Variants in FCHSD2 observed in about 807,000 individuals in gnomAD.
FCHSD2 encodes FCH and double SH3 domains 2, also known as F-BAR and double SH3 domains protein 2.
FCHSD2 carries 38 observed loss-of-function variants against 108.1 expected under a neutral mutation model. That is an observed-to-expected ratio of 0.35 (90% CI 0.27 to 0.46). The LOEUF (loss-of-function observed/expected upper bound fraction) is 0.46, where lower values mean the gene tolerates loss of function less well. Ranked by LOEUF, FCHSD2 falls within the 20% of genes least tolerant of loss-of-function variation. The pLI is 1.00. For missense variants in FCHSD2, 751 were observed against 897.8 expected, an observed-to-expected ratio of 0.84 and a Z score of 2.09; for synonymous variants, 279 against 314.7, an observed-to-expected ratio of 0.89 and a Z score of 1.20.
In FCHSD2 at chr11:73,096,987, A is replaced by ATTTTTTTTTTTTTTTTTTTTTTTTTT. The variant is rs60223064; in HGVS notation, c.120-13273_120-13248dup. 1.8e-3 allele frequency among the ~76,000 whole-genome samples: 50 copies of ATTTTTTTTTTTTTTTTTTTTTTTTTT among 27,044 alleles called. 21 individuals are homozygous for ATTTTTTTTTTTTTTTTTTTTTTTTTT. Among genetic ancestry groups the ATTTTTTTTTTTTTTTTTTTTTTTTTT allele is most frequent in the East Asian group, 3.5e-3 (2 of 566 alleles). 17.7% of individuals were successfully genotyped at this position (27,044 alleles called of 152,430 possible). ...CTAATGTGATGTATTTCATTGATGG[A>ATTTTTTTTTTTTTTTTTTTTTTTTTT]TTTTTTTTTTTTTTTTTTTTTTTTT... On this transcript the variant is annotated intron_variant, in intron 2 of 19. Transcript: ENST00000409418.
rs1488474236 is a variant in FCHSD2 at position 73,051,906 on chromosome 11, CA to C, written c.165+31788del. On this transcript the variant is annotated intron_variant, in intron 3 of 19. Transcript: ENST00000409418. The stretch of plus-strand genomic sequence containing the variant: ...ACACACACACACACACACACACACA[CA>C]CACACACACCCCACACACACTGACA... Among the ~76,000 whole-genome samples the C allele has an allele frequency of 1.6e-3, 232 of 147,866 alleles. 2 individuals are homozygous for C. Among genetic ancestry groups the C allele is most frequent in the African/African-American group, 2.5e-3 (98 of 39,270 alleles).
chr11:72,838,530 G>A lies in FCHSD2; in HGVS notation c.*261C>T. On this transcript the variant is annotated 3_prime_UTR_variant, in exon 20 of 20. Coordinates refer to ENST00000409418, the MANE Select transcript of FCHSD2 (RefSeq NM_014824.3). ...AAACAGACCACTGTTAGGCATGAGG[G>A]CTGCCCCCCTCTTTGCTCCTAGGGT... The A allele has an allele frequency of 1.9e-6, 1 of 523,624 alleles. No individual in the cohort carries two copies. Among genetic ancestry groups the A allele is most frequent in the Non-Finnish European group, 3.5e-6 (1 of 289,008 alleles). The allele number at this position is 523,624 out of a possible 1,614,324, so 32.4% of individuals were successfully genotyped here.
chr11:72,989,481 C>T, intron 5 of FCHSD2, among the ~76,000 whole-genome samples: 1 of 152,162 alleles, frequency 6.6e-6, no homozygotes, highest in African/African-American at 2.4e-5. Flanking sequence ...CAAAGTCTCT[C>T]TTTATGTTTG....
At chr11:73,127,861 G>C (rs1448763661) in intron 2 of FCHSD2, among the ~76,000 whole-genome samples, 1 of 151,496 alleles carries the variant, frequency 6.6e-6, no homozygotes, top group Non-Finnish European at 1.5e-5. Flanking sequence ...GGGGGCGGGG[G>C]TGGGAATCAC....
At chr11:73,101,654 C>G (rs1162262139) in intron 2 of FCHSD2, among the ~76,000 whole-genome samples, 3 of 151,990 alleles carry the variant, frequency 2.0e-5, no homozygotes, top group Admixed American at 6.6e-5. Flanking sequence ...CCAGGGTAGT[C>G]TGGAACTCCT....
intron 12 of FCHSD2, among the ~76,000 whole-genome samples, chr11:72,871,994 A>AT (rs1037407261): frequency 3.3e-5 from 5 of 151,756 alleles, no homozygotes; most frequent in Admixed American, 2.0e-4. Flanking sequence ...TGCTGAATTA[A>AT]TTTTTTTTAT....
At chr11:72,900,193 C>A in intron 10 of FCHSD2, 1 of 1,193,124 alleles carries the variant, frequency 8.4e-7, no homozygotes, top group South Asian at 1.3e-5. Flanking sequence ...CCAGGTCCCA[C>A]CCTTCATTAA....
chr11:72,938,580 G>T (rs1196872349), intron 8 of FCHSD2, among the ~76,000 whole-genome samples: 1 of 152,130 alleles, frequency 6.6e-6, no homozygotes, highest in African/African-American at 2.4e-5. Flanking sequence ...AATGAGGGGT[G>T]AGCAGATCAC....
At chr11:73,044,098 C>T (rs1057014140) in intron 3 of FCHSD2, among the ~76,000 whole-genome samples, 25 of 152,156 alleles carry the variant, frequency 1.6e-4, no homozygotes, top group African/African-American at 6.0e-4. Context: ...ATATTTACAA[C>T]GGATTCCAAA....
At chr11:72,983,163 G>A (rs915816442) in intron 8 of FCHSD2, among the ~76,000 whole-genome samples, 9 of 151,310 alleles carry the variant, frequency 5.9e-5, no homozygotes, top group Non-Finnish European at 1.2e-4. Context: ...GCGTAGTGGC[G>A]GGCGCCTGTA....
At chr11:73,045,532 T>C (rs556398636) in intron 3 of FCHSD2, among the ~76,000 whole-genome samples, 2 of 151,968 alleles carry the variant, frequency 1.3e-5, no homozygotes, top group African/African-American at 4.8e-5. Flanking sequence ...TGTCCAACAA[T>C]GATAGAATGG....
chr11:72,911,416 G>C (rs539648781), intron 9 of FCHSD2, among the ~76,000 whole-genome samples: 1 of 152,292 alleles, frequency 6.6e-6, no homozygotes, highest in South Asian at 2.1e-4. Flanking sequence ...CACACAATAT[G>C]ATTCCTTGAG....
intron 3 of FCHSD2, among the ~76,000 whole-genome samples, chr11:73,074,683 C>T (rs766535333): frequency 6.6e-6 from 1 of 152,092 alleles, no homozygotes; most frequent in Admixed American, 6.5e-5. Flanking sequence ...AAAACATTTC[C>T]ACATGAGATT....
chr11:72,860,879 A>G (rs916422398), intron 13 of FCHSD2, among the ~76,000 whole-genome samples: 2 of 152,210 alleles, frequency 1.3e-5, no homozygotes, highest in Non-Finnish European at 2.9e-5. Context: ...GACACAACAT[A>G]CCAGAATTTG....
At chr11:73,036,332 A>G (rs1026874105) in intron 3 of FCHSD2, among the ~76,000 whole-genome samples, 1 of 152,170 alleles carries the variant, frequency 6.6e-6, no homozygotes, top group African/African-American at 2.4e-5. Context: ...GACAAAAAAA[A>G]AAAACCCAAG....
At chr11:73,036,664 C>A (rs1858505658) in intron 3 of FCHSD2, among the ~76,000 whole-genome samples, 1 of 152,136 alleles carries the variant, frequency 6.6e-6, no homozygotes, top group African/African-American at 2.4e-5. Context: ...GGGTATCTTA[C>A]TGAGTCCAAT....
intron 13 of FCHSD2, among the ~76,000 whole-genome samples, chr11:72,865,994 A>C (rs1374382254): frequency 6.6e-6 from 1 of 152,136 alleles, no homozygotes; most frequent in Non-Finnish European, 1.5e-5. Context: ...AGTAAGTACA[A>C]AGTTAGATGG....
rs1855156204 is a variant in FCHSD2 at position 72,884,496 on chromosome 11, T to C, written c.1146+2974A>G. ...AGAAATATATATATATCTGTGTGTA[T>C]GTTATATATATCATATATATAATCA... On this transcript the variant is annotated intron_variant, in intron 12 of 19. Transcript: ENST00000409418. Among the ~76,000 whole-genome samples, 2 of 149,254 alleles carry C rather than the reference T, an allele frequency of 1.3e-5. 1 individual carries two copies. Among genetic ancestry groups the C allele is most frequent in the Admixed American group, 1.3e-4 (2 of 14,864 alleles).
chr11:73,023,730 C>G (rs1016867483), intron 3 of FCHSD2, among the ~76,000 whole-genome samples: 1 of 152,172 alleles, frequency 6.6e-6, no homozygotes, highest in African/African-American at 2.4e-5. Context: ...CTTCTGGCAG[C>G]TTTATTGATA....
Sources: gnomAD v4.1 joint callset for allele counts (sites outside exome capture counted in the v4.1 genomes callset) on GRCh38, gnomAD v4.1.1 for gene constraint, MANE v1.5 for transcripts, NCBI Gene and HGNC (gene_info 2026-07-23, HGNC 2026-07-21) for gene names.